Variants in GDA observed in about 807,000 individuals in gnomAD.
GDA encodes the protein guanine deaminase, also known as cytoplasmic PSD-95 interactor.
GDA carries 18 observed loss-of-function variants against 59.6 expected under a neutral mutation model. That is an observed-to-expected ratio of 0.30 (90% CI 0.21 to 0.45). The LOEUF (loss-of-function observed/expected upper bound fraction) is 0.45. Among genes scored for constraint, GDA ranks in the 20% least tolerant of loss-of-function variants. GDA has a pLI of 1.00. For synonymous variants in GDA, 201 were observed against 201.1 expected (o/e 1.00, Z 0.00); for missense variants, 427 against 552.3 (o/e 0.77, Z 2.27).
chr9:72,124,489 GCT>G (rs1224071609), intron 1 of GDA, among the ~76,000 whole-genome samples: 1 of 152,132 alleles, frequency 6.6e-6, no homozygotes, highest in Non-Finnish European at 1.5e-5. Context: ...TTTAGTATCT[GCT>G]CTGTTTGTCT....
chr9:72,220,657 G>C (rs1295236199), intron 6 of GDA, among the ~76,000 whole-genome samples: 1 of 152,036 alleles, frequency 6.6e-6, no homozygotes. Flanking sequence ...GGCAAGCAGG[G>C]ACAGGGCTTG....
intron 1 of GDA, among the ~76,000 whole-genome samples, chr9:72,174,598 C>T (rs922232729): frequency 2.6e-5 from 4 of 151,954 alleles, no homozygotes; most frequent in Non-Finnish European, 5.9e-5. Context: ...CTATGAGGAT[C>T]GTTAATTGGG....
intron 11 of GDA, among the ~76,000 whole-genome samples, chr9:72,242,287 G>A (rs1007585283): frequency 1.3e-5 from 2 of 152,140 alleles, no homozygotes; most frequent in African/African-American, 4.8e-5. Context: ...AAAGGATAAA[G>A]ATGTAAAAAT....
At chr9:72,188,452 C>A (rs769666028) in intron 1 of GDA, among the ~76,000 whole-genome samples, 22 of 152,320 alleles carry the variant, frequency 1.4e-4, no homozygotes, top group Non-Finnish European at 2.8e-4. Flanking sequence ...CCATGTGTGG[C>A]TCAGGCCACA....
intron 6 of GDA, among the ~76,000 whole-genome samples, chr9:72,219,779 TATTG>T (rs1041272370): frequency 6.6e-6 from 1 of 152,248 alleles, no homozygotes; most frequent in East Asian, 1.9e-4. Flanking sequence ...ATACATTGTT[TATTG>T]ATTATTAGAA....
chr9:72,185,273 C>A (rs746265220), intron 1 of GDA, among the ~76,000 whole-genome samples: 1 of 152,154 alleles, frequency 6.6e-6, no homozygotes, highest in South Asian at 2.1e-4. Flanking sequence ...GGAAGAATCT[C>A]GGAAGACATG....
At chr9:72,200,068 G>A (rs1381929315) in intron 2 of GDA, among the ~76,000 whole-genome samples, 1 of 137,100 alleles carries the variant, frequency 7.3e-6, no homozygotes, top group Non-Finnish European at 1.5e-5. Flanking sequence ...CATGATCTCT[G>A]CTCACCTCAA....
chr9:72,160,130 T>C (rs1366289365), intron 1 of GDA, among the ~76,000 whole-genome samples: 2 of 151,922 alleles, frequency 1.3e-5, no homozygotes, highest in African/African-American at 4.8e-5. Context: ...AAACCCCGTC[T>C]CTACTAAAAA....
At position 72,195,566 on chromosome 9, in the gene GDA, G is replaced by A. The variant is rs747356027; in HGVS notation, c.190G>A (p.Glu64Lys). The change falls in exon 2 of 14, where the codon GAA (glutamate) becomes AAA (lysine). Residue 64 changes from glutamate (E) to lysine (K), a missense_variant. By Grantham distance (56) the Glu-to-Lys change is moderately conservative. Coordinates refer to ENST00000358399, the MANE Select transcript of GDA (RefSeq NM_004293.5). ...CAAAGAATGGTGCTTCAAGCCGTGT[G>A]AAATAAGAGAACTGAGCCACCAGTA... is the stretch of plus-strand genomic sequence containing the variant. The part of the protein sequence containing the change: ...LAKEWCFKPC[E>K]IRELSHHEFF... 5.1e-6 allele frequency: 8 copies of A among 1,566,248 alleles called. No individual in the cohort carries two copies. The highest frequency in any genetic ancestry group is 3.5e-5 in the Admixed American group (2 of 57,642).
intron 1 of GDA, among the ~76,000 whole-genome samples, chr9:72,138,703 G>T (rs1045599462): frequency 5.3e-5 from 8 of 152,178 alleles, no homozygotes; most frequent in Non-Finnish European, 1.0e-4. Flanking sequence ...GTGCCTGTCG[G>T]TTTCTGCCAT....
intron 10 of GDA, among the ~76,000 whole-genome samples, chr9:72,237,086 C>T (rs1839092567): frequency 6.6e-6 from 1 of 151,512 alleles, no homozygotes; most frequent in Admixed American, 6.6e-5. Context: ...GGCACAAAAC[C>T]CCTTCTTAAT....
At chr9:72,151,549 C>A (rs1307592094) in intron 1 of GDA, among the ~76,000 whole-genome samples, 1 of 151,872 alleles carries the variant, frequency 6.6e-6, no homozygotes, top group Non-Finnish European at 1.5e-5. Flanking sequence ...AAATAATACG[C>A]CTTTGGAATA....
At chr9:72,138,160 A>G (rs973978857) in intron 1 of GDA, among the ~76,000 whole-genome samples, 1 of 152,102 alleles carries the variant, frequency 6.6e-6, no homozygotes, top group African/African-American at 2.4e-5. Context: ...TGTGCTTATT[A>G]AGGACCACTG....
upstream of GDA, among the ~76,000 whole-genome samples, chr9:72,144,857 G>T (rs975396661): frequency 6.6e-6 from 1 of 151,070 alleles, no homozygotes; most frequent in African/African-American, 2.4e-5. Flanking sequence ...TAAAAGGAAC[G>T]CATTTATCCC....
chr9:72,230,918 C>G (rs1179104116), intron 9 of GDA, among the ~76,000 whole-genome samples, 196 bp from the exon 10 acceptor site: 1 of 152,018 alleles, frequency 6.6e-6, no homozygotes, highest in Non-Finnish European at 1.5e-5. Flanking sequence ...AACCTTGGCC[C>G]AAGGATTAGG....
chr9:72,227,460 C>T (rs916285787), intron 8 of GDA, among the ~76,000 whole-genome samples: 3 of 150,728 alleles, frequency 2.0e-5, no homozygotes, highest in East Asian at 1.9e-4. Context: ...TAAAGAACAG[C>T]GCTTTGCAGG....
At chr9:72,119,709 A>C (rs1013528980) in intron 1 of GDA, among the ~76,000 whole-genome samples, 36 of 152,116 alleles carry the variant, frequency 2.4e-4, no homozygotes, top group African/African-American at 8.2e-4. Flanking sequence ...AGTGATTTGG[A>C]AAAAAATTCT....
chr9:72,228,008 A>G lies in GDA; in HGVS notation c.888A>G (p.Ala296=). The G allele has an allele frequency of 2.5e-6, 4 of 1,599,526 alleles. No individual in the cohort carries two copies. Among genetic ancestry groups the G allele is most frequent in the Non-Finnish European group, 3.4e-6 (4 of 1,167,258 alleles). ...EELNVFHERG[A]SIAHCPNSNL... is the part of the protein sequence containing the mutation. ...TGAACGTATTCCATGAACGAGGAGC[A>G]TCCATCGCACACTGTCCCAATTCTA... The change falls in exon 9 of 14, where the codon GCA becomes GCG. Residue 296 remains alanine, a synonymous_variant. Coordinates refer to ENST00000358399, the MANE Select transcript of GDA (RefSeq NM_004293.5).
chr9:72,135,221 C>CGTGTGT (rs58242514), intron 1 of GDA, among the ~76,000 whole-genome samples: 1 of 148,534 alleles, frequency 6.7e-6, no homozygotes, highest in East Asian at 2.0e-4. Context: ...GGCCTACGTA[C>CGTGTGT]GTGTGTGTGT....
Sources: allele counts gnomAD v4.1 joint callset (sites outside exome capture counted in the v4.1 genomes callset), GRCh38; gene constraint gnomAD v4.1.1; transcripts MANE v1.5; gene names NCBI Gene and HGNC (gene_info 2026-07-23, HGNC 2026-07-21).